PHF8: variants seen among roughly 807,000 people sequenced by gnomAD.
PHF8 encodes histone lysine demethylase PHF8.
A neutral mutation model predicts 74.4 loss-of-function variants in PHF8; 9 were observed. The ratio of observed to expected loss-of-function variants is 0.12; its 90% confidence interval spans 0.07 to 0.21. PHF8 has a LOEUF of 0.21. Ranked by LOEUF, PHF8 falls within the 10% of genes least tolerant of loss-of-function variation. The pLI, the probability that PHF8 is intolerant of heterozygous loss-of-function variation, is 1.00. For synonymous variants in PHF8, 311 were observed against 316.6 expected, an observed-to-expected ratio of 0.98 and a Z score of 0.19; for missense variants, 478 against 816.6, an observed-to-expected ratio of 0.59 and a Z score of 5.05.
At chrX:54,017,535 A>G (rs781906617) in intron 5 of PHF8, 126 bp downstream of exon 5, 3 of 560,140 alleles carry the variant, frequency 5.4e-6, no homozygotes, top group Non-Finnish European at 9.1e-6. Flanking sequence ...GACTTTGGAC[A>G]AGGCATTTCA....
At chrX:54,028,902 G>A (rs1234872526) in intron 2 of PHF8, among the ~76,000 whole-genome samples, 2 of 111,961 alleles carry the variant, frequency 1.8e-5, no homozygotes, top group Non-Finnish European at 3.8e-5. Context: ...TACTAGCTGT[G>A]GGATCTTGGA....
At chrX:53,949,572 G>A (rs2064886432) in intron 19 of PHF8, among the ~76,000 whole-genome samples, 1 of 109,864 alleles carries the variant, frequency 9.1e-6, no homozygotes, top group South Asian at 3.9e-4. Flanking sequence ...CAGCACTTTG[G>A]GAGGCCAAGG....
chrX:53,972,053 G>A (rs1557094713), intron 18 of PHF8, among the ~76,000 whole-genome samples: 1 of 110,935 alleles, frequency 9.0e-6, no homozygotes, highest in South Asian at 3.8e-4. Flanking sequence ...GGCCGGCTGC[G>A]GTGGCTCACG....
At chrX:54,040,535 G>A (rs1471088866) in intron 2 of PHF8, among the ~76,000 whole-genome samples, 2 of 111,854 alleles carry the variant, frequency 1.8e-5, no homozygotes, top group African/African-American at 3.2e-5. Flanking sequence ...GAACCAAGAG[G>A]AAGAAGGACT....
intron 19 of PHF8, among the ~76,000 whole-genome samples, chrX:53,948,262 T>C (rs1160010140): frequency 8.9e-6 from 1 of 112,029 alleles, no homozygotes; most frequent in Non-Finnish European, 1.9e-5. Flanking sequence ...AAAAGTAGTG[T>C]GGTTACACCG....
chrX:54,015,190 G>T (rs2066042927), intron 6 of PHF8, among the ~76,000 whole-genome samples: 1 of 110,222 alleles, frequency 9.1e-6, no homozygotes, highest in Admixed American at 9.8e-5. Context: ...CCACATCTCT[G>T]TAAGCTACCT....
intron 11 of PHF8, 148 bp from the exon 12 acceptor site, chrX:53,995,930 A>C (rs1323081373): frequency 4.6e-6 from 2 of 433,511 alleles, no homozygotes; most frequent in Non-Finnish European, 8.0e-6. Context: ...AAAAAAAAAA[A>C]CAAAAACAAA....
chrX:54,020,918 C>T (rs1021410833), intron 4 of PHF8, among the ~76,000 whole-genome samples: 23 of 111,994 alleles, frequency 2.1e-4, no homozygotes, highest in Admixed American at 5.7e-4. Context: ...AACTACCATT[C>T]GACCCAGCAA....
intron 14 of PHF8, among the ~76,000 whole-genome samples, chrX:53,991,369 T>C (rs182519828): frequency 9.8e-5 from 11 of 111,867 alleles, no homozygotes; most frequent in Admixed American, 9.5e-4. Context: ...GTTAAAAACT[T>C]GGTATAACAA....
chrX:54,015,291 A>G (rs982129610), intron 6 of PHF8, among the ~76,000 whole-genome samples: 6 of 111,690 alleles, frequency 5.4e-5, no homozygotes, highest in East Asian at 2.8e-4. Context: ...CTTAAAAACA[A>G]CAGCGCCGGG....
intron 18 of PHF8, among the ~76,000 whole-genome samples, chrX:53,983,871 CCA>C (rs1211578721): frequency 8.9e-6 from 1 of 111,768 alleles, no homozygotes; most frequent in Non-Finnish European, 1.9e-5. Context: ...AGTTGCAGAA[CCA>C]CACACACTAA....
At chrX:53,967,642 T>G (rs1426607346) in intron 18 of PHF8, among the ~76,000 whole-genome samples, 4 of 113,815 alleles carry the variant, frequency 3.5e-5, no homozygotes, top group Admixed American at 9.2e-5. Context: ...GAACGGGCCA[T>G]GATGACAATG....
chrX:53,948,441 T>A (rs2064865941), intron 19 of PHF8, among the ~76,000 whole-genome samples: 1 of 110,228 alleles, frequency 9.1e-6, no homozygotes, highest in Non-Finnish European at 1.9e-5. Context: ...CCCGGCTAAT[T>A]TTTGTATTTT....
At chrX:53,971,120 C>T (rs782785471) in intron 18 of PHF8, among the ~76,000 whole-genome samples, 12 of 111,526 alleles carry the variant, frequency 1.1e-4, no homozygotes, top group African/African-American at 1.6e-4. Flanking sequence ...TGCAAAAGAA[C>T]TGAAATCATA....
chrX:54,019,927 G>A (rs1557109353), intron 4 of PHF8, among the ~76,000 whole-genome samples: 1 of 110,860 alleles, frequency 9.0e-6, no homozygotes, highest in Non-Finnish European at 1.9e-5. Context: ...GCTCACACCT[G>A]TAATCCCAGG....
chrX:53,951,271 TAAAAAGAGAATGAA>T (rs2064919625), intron 19 of PHF8, among the ~76,000 whole-genome samples: 1 of 111,584 alleles, frequency 9.0e-6, no homozygotes, highest in Non-Finnish European at 1.9e-5. Context: ...TGAGCACACA[TAAAAAGAGAATGAA>T]GAAAAGTGAA....
intron 19 of PHF8, among the ~76,000 whole-genome samples, chrX:53,953,501 C>T (rs2064962233): frequency 1.8e-5 from 2 of 108,141 alleles, no homozygotes. Flanking sequence ...ATTAGCTAGG[C>T]GTGATGGCAG....
intron 18 of PHF8, among the ~76,000 whole-genome samples, chrX:53,969,803 T>C (rs2065266054): frequency 9.0e-6 from 1 of 111,462 alleles, no homozygotes; most frequent in South Asian, 3.7e-4. Flanking sequence ...GCATAGAGAA[T>C]CCAGAAATAA....
In PHF8 at chrX:53,995,798, C is replaced by G; in HGVS notation, c.1234-16G>C. 1 of 1,080,965 alleles carries G rather than the reference C, an allele frequency of 9.3e-7. No homozygotes were observed. The highest frequency in any genetic ancestry group is 1.9e-5 in the South Asian group (1 of 53,092). 89.1% of individuals were successfully genotyped at this position (1,080,965 alleles called of 1,213,427 possible). On this transcript the variant is annotated splice_polypyrimidine_tract_variant and intron_variant, in intron 11 of 21. Coordinates refer to ENST00000338154, the MANE Select transcript of PHF8 (RefSeq NM_015107.3). Reference sequence around the variant, plus strand: ...CTGGCAGAGCCTGTCAAACAAGAGGCATGAGGAATAAACCCACACATAAAG... The same window carrying G: ...CTGGCAGAGCCTGTCAAACAAGAGGGATGAGGAATAAACCCACACATAAAG...
Sources: gnomAD v4.1 joint callset for allele counts (sites outside exome capture counted in the v4.1 genomes callset) on GRCh38, gnomAD v4.1.1 for gene constraint, MANE v1.5 for transcripts, NCBI Gene and HGNC (gene_info 2026-07-23, HGNC 2026-07-21) for gene names.